KMT5A: variants seen among roughly 807,000 people sequenced by gnomAD.
The protein encoded by KMT5A is N-lysine methyltransferase KMT5A.
A neutral mutation model predicts 40.6 loss-of-function variants in KMT5A; 6 were observed. That is an observed-to-expected ratio of 0.15 (90% CI 0.08 to 0.29). The LOEUF is 0.29. KMT5A is among the 10% of genes least tolerant of loss of function. The pLI is 1.00. For synonymous variants in KMT5A, 153 were observed against 178.8 expected (o/e 0.86, Z 1.15); for missense variants, 308 against 459.1 (o/e 0.67, Z 3.01).
chr12:123,405,408 C>T (rs1275668054), intron 7 of KMT5A, among the ~76,000 whole-genome samples: 3 of 151,190 alleles, frequency 2.0e-5, no homozygotes, highest in South Asian at 2.1e-4. Context: ...TGACCTCAGA[C>T]GATCCACCCG....
intron 3 of KMT5A, among the ~76,000 whole-genome samples, chr12:123,392,944 T>G (rs868284165): frequency 4.6e-5 from 7 of 152,304 alleles, no homozygotes; most frequent in African/African-American, 1.7e-4. Flanking sequence ...TGGTGCAATC[T>G]CGGCTCACTG....
chr12:123,385,051 AG>A (rs1207250492), intron 1 of KMT5A, among the ~76,000 whole-genome samples: 3 of 152,172 alleles, frequency 2.0e-5, no homozygotes, highest in East Asian at 3.9e-4. Flanking sequence ...AAAAAAAAAA[AG>A]TTTTGGTATT....
Position 123,384,205 on chromosome 12 carries a change from A to G in KMT5A, c.7A>G (p.Arg3Gly). MA[R>G]GRKMSKPRAV... ...GCGGTGACAGAGTGGAGCCATGGCT[A>G]GAGGTATTTGCCCAAGTGGCCGGCA... Residue 3 changes from arginine (R) to glycine (G), a missense_variant, in exon 1 of 8, where the codon AGA becomes GGA. By Grantham distance (125) the Arg-to-Gly change is moderately radical. Around this residue, in one of 4 missense-constraint regions of KMT5A, gnomAD observed 92 missense variants for 78.3 expected, o/e 1.18. Coordinates refer to ENST00000402868, the MANE Select transcript of KMT5A (RefSeq NM_020382.7). This position sits in a 1 kb window ranked among gnomAD's most constrained non-coding sequence, Gnocchi z 5.7. The G allele has an allele frequency of 6.2e-7, 1 of 1,613,564 alleles. No individual in the cohort carries two copies. Among genetic ancestry groups the G allele is most frequent in the Admixed American group, 1.7e-5 (1 of 59,978 alleles).
intron 5 of KMT5A, 77 bp downstream of exon 5, chr12:123,396,509 G>A: frequency 7.4e-7 from 1 of 1,346,196 alleles, no homozygotes; most frequent in South Asian, 1.2e-5. Context: ...GTGCGTATGT[G>A]TGTGTCCTCA....
chr12:123,394,501 G>A (rs1207052119), intron 3 of KMT5A, among the ~76,000 whole-genome samples: 2 of 152,186 alleles, frequency 1.3e-5, no homozygotes, highest in Non-Finnish European at 2.9e-5. Context: ...GATCATTGCA[G>A]TGTGTCTCCC....
chr12:123,401,274 G>A (rs1463423966), intron 5 of KMT5A, among the ~76,000 whole-genome samples: 4 of 138,180 alleles, frequency 2.9e-5, no homozygotes, highest in Admixed American at 8.0e-5. Flanking sequence ...TCAGCCTCCC[G>A]AGTAGCTGGG....
At chr12:123,399,798 T>C (rs1878012418) in intron 5 of KMT5A, among the ~76,000 whole-genome samples, 2 of 152,196 alleles carry the variant, frequency 1.3e-5, no homozygotes, top group Admixed American at 1.3e-4. Context: ...GGCAACATTG[T>C]GAGACCCCAT....
intron 3 of KMT5A, among the ~76,000 whole-genome samples, chr12:123,394,204 A>G (rs1877523710): frequency 6.6e-6 from 1 of 150,478 alleles, no homozygotes; most frequent in African/African-American, 2.4e-5. Context: ...CCCAGGTTCA[A>G]GCAGTTCTCC....
chr12:123,395,726 C>T (rs1410725677), intron 4 of KMT5A, among the ~76,000 whole-genome samples: 1 of 151,658 alleles, frequency 6.6e-6, no homozygotes, highest in Non-Finnish European at 1.5e-5. Context: ...CACCATGTCC[C>T]GCTTATTTTT....
At chr12:123,404,799 G>A in intron 6 of KMT5A, 85 bp from the exon 7 acceptor site, 1 of 1,367,766 alleles carries the variant, frequency 7.3e-7, no homozygotes, top group East Asian at 2.3e-5. Context: ...AAAGACTGGG[G>A]TAAGCCCCAG....
chr12:123,398,707 G>A (rs1401464662), intron 5 of KMT5A, among the ~76,000 whole-genome samples: 2 of 152,218 alleles, frequency 1.3e-5, no homozygotes, highest in East Asian at 3.8e-4. Flanking sequence ...ATAGCTGGCC[G>A]GGATGACGTG....
rs1482969795 is a variant in KMT5A at position 123,409,160 on chromosome 12, TTCCC to T, written c.*1462_*1465del. On this transcript the variant is annotated 3_prime_UTR_variant, in exon 8 of 8. Coordinates refer to ENST00000402868, the MANE Select transcript of KMT5A (RefSeq NM_020382.7). ...CACGACGGTGCTACCTAAGAAAGTC[TTCCC>T]TCCCACCCCCCGCTAGCCTGGTCAG... 1 of 152,062 alleles carries T rather than the reference TTCCC, an allele frequency of 6.6e-6. No homozygotes were observed. The highest frequency in any genetic ancestry group is 1.5e-5 in the Non-Finnish European group (1 of 67,938). The allele number at this position is 152,062 out of a possible 1,614,324, so 9.4% of individuals were successfully genotyped here.
Position 123,407,931 on chromosome 12 carries a change from A to G in KMT5A, c.*228A>G, listed in dbSNP as rs1878678218. ...TATATTACCAAAACTTTTATATTCT[A>G]GTTGTTTTTGTACTTTTTTTGCATA... On this transcript the variant is annotated 3_prime_UTR_variant, in exon 8 of 8. Coordinates refer to ENST00000402868, the MANE Select transcript of KMT5A (RefSeq NM_020382.7). 1 of 534,446 alleles carries G rather than the reference A, an allele frequency of 1.9e-6. No individual in the cohort carries two copies. Among genetic ancestry groups the G allele is most frequent in the Non-Finnish European group, 3.3e-6 (1 of 301,852 alleles). The allele number at this position is 534,446 out of a possible 1,614,324, so 33.1% of individuals were successfully genotyped here.
At chr12:123,388,141 A>G (rs1444901887) in intron 1 of KMT5A, among the ~76,000 whole-genome samples, 1 of 152,204 alleles carries the variant, frequency 6.6e-6, no homozygotes, top group Non-Finnish European at 1.5e-5. Flanking sequence ...ACGGCGGGAT[A>G]GGAGAACAAG....
intron 5 of KMT5A, among the ~76,000 whole-genome samples, chr12:123,399,234 G>A (rs1877968135): frequency 6.6e-6 from 1 of 152,244 alleles, no homozygotes; most frequent in Non-Finnish European, 1.5e-5. Flanking sequence ...CCTCCTTCCT[G>A]GTCACAGGCG....
intron 2 of KMT5A, chr12:123,390,236 G>A (rs1428111612): frequency 2.3e-6 from 1 of 438,662 alleles, no homozygotes. Flanking sequence ...CAGGTTCCCC[G>A]GGGCGTGTTT....
intron 5 of KMT5A, among the ~76,000 whole-genome samples, chr12:123,397,731 A>G (rs1281421206): frequency 7.2e-6 from 1 of 138,696 alleles, no homozygotes; most frequent in Non-Finnish European, 1.5e-5. Flanking sequence ...CAATGGCGTG[A>G]TCTCGACTCA....
At position 123,408,012 on chromosome 12, in the gene KMT5A, A is replaced by G. The variant is rs1878686988; in HGVS notation, c.*309A>G. On this transcript the variant is annotated 3_prime_UTR_variant, in exon 8 of 8. Transcript: ENST00000402868. The stretch of plus-strand genomic sequence containing the variant: ...CAGTCAAAGACTCAGCACAGGTTTT[A>G]GAGGAAATAGTCAAACATGAACTAG... 1 of 300,656 alleles carries G rather than the reference A, an allele frequency of 3.3e-6. No homozygotes were observed. The highest frequency in any genetic ancestry group is 4.9e-5 in the Admixed American group (1 of 20,468). The allele number at this position is 300,656 out of a possible 1,614,324, so 18.6% of individuals were successfully genotyped here. A position where few individuals can be genotyped will look rare whatever the true frequency, so the allele number is the denominator to read the frequency against.
intron 2 of KMT5A, chr12:123,390,082 CCA>C (rs1316347991): frequency 4.3e-6 from 2 of 469,226 alleles, no homozygotes; most frequent in Admixed American, 2.3e-5. Flanking sequence ...CCCAGATTCC[CCA>C]GTCACCCTGA....
Sources: allele counts gnomAD v4.1 joint callset (sites outside exome capture counted in the v4.1 genomes callset), GRCh38; gene constraint gnomAD v4.1.1; regional missense constraint gnomAD v4.1.1; non-coding constraint Gnocchi (gnomAD v3.1); transcripts MANE v1.5; gene names NCBI Gene and HGNC (gene_info 2026-07-23, HGNC 2026-07-21).